MAP2K1: variants seen among roughly 807,000 people sequenced by gnomAD.
MAP2K1 encodes dual specificity mitogen-activated protein kinase kinase 1.
In MAP2K1, 16 loss-of-function variants were observed where a neutral mutation model predicts 46.3. That is an observed-to-expected ratio of 0.35 (90% CI 0.23 to 0.52). MAP2K1 has a LOEUF of 0.52. Among genes scored for constraint, MAP2K1 ranks in the 20% least tolerant of loss-of-function variants. The pLI is 0.94. For missense variants in MAP2K1, 263 were observed against 497.1 expected (o/e 0.53, Z 4.48); for synonymous variants, 183 against 185.6 (o/e 0.99, Z 0.11).
chr15:66,478,148 G>A (rs1892802323), intron 5 of MAP2K1, among the ~76,000 whole-genome samples: 1 of 151,378 alleles, frequency 6.6e-6, no homozygotes, highest in South Asian at 2.1e-4. Context: ...TGTTCACATC[G>A]TTGCTCAAAT....
intron 5 of MAP2K1, among the ~76,000 whole-genome samples, chr15:66,455,875 C>A (rs7182169): frequency 0.081 from 12,258 of 152,206 alleles, 469 homozygotes; most frequent in Non-Finnish European, 0.086. Flanking sequence ...ACATTGTATT[C>A]TATTTCCCCT....
intron 5 of MAP2K1, among the ~76,000 whole-genome samples, chr15:66,446,990 A>G (rs1475364115): frequency 6.6e-6 from 1 of 152,212 alleles, no homozygotes; most frequent in East Asian, 1.9e-4. Flanking sequence ...AGAGGACAGG[A>G]AATTGGTAAA....
At chr15:66,470,091 CTTGTT>C (rs1595879452) in intron 5 of MAP2K1, among the ~76,000 whole-genome samples, 13 of 55,726 alleles carry the variant, frequency 2.3e-4, no homozygotes, top group East Asian at 6.0e-4. Context: ...ACTTTTTTTT[CTTGTT>C]TTTTTTTTTT....
chr15:66,456,357 A>G (rs2140624914), intron 5 of MAP2K1, among the ~76,000 whole-genome samples: 1 of 152,354 alleles, frequency 6.6e-6, no homozygotes, highest in Admixed American at 6.5e-5. Context: ...ATAGATTATT[A>G]GTCAGAATTC....
At chr15:66,387,649 C>T in intron 1 of MAP2K1, among the ~76,000 whole-genome samples, 1 of 152,222 alleles carries the variant, frequency 6.6e-6, no homozygotes, top group South Asian at 2.1e-4. Flanking sequence ...CTCTGTACCC[C>T]TTTTCCCGAC....
chr15:66,413,167 A>T (rs2093415731), intron 1 of MAP2K1, among the ~76,000 whole-genome samples: 1 of 152,160 alleles, frequency 6.6e-6, no homozygotes, highest in Non-Finnish European at 1.5e-5. Flanking sequence ...AAGTGCTGGG[A>T]TTACAGGCAT....
chr15:66,483,058 G>A (rs190716537), intron 6 of MAP2K1, among the ~76,000 whole-genome samples: 1 of 152,218 alleles, frequency 6.6e-6, no homozygotes, highest in African/African-American at 2.4e-5. Context: ...AGGAAGTCTA[G>A]ATTCAGGGAG....
intron 5 of MAP2K1, among the ~76,000 whole-genome samples, chr15:66,471,027 T>C (rs1238953589): frequency 1.3e-5 from 2 of 152,170 alleles, no homozygotes; most frequent in Admixed American, 6.5e-5. Context: ...TTGGATTCTT[T>C]TGAGTTTCTG....
rs2140578594 is a variant in MAP2K1, at chr15:66,435,063, G to A, written c.117G>A (p.Glu39=). ...NLEALQKKLE[E]LELDEQQRKR... Reference sequence around the variant, plus strand: ...AGGCCTTGCAGAAGAAGCTGGAGGAGCTAGAGCTTGATGAGCAGCAGCGAA... The same window carrying A: ...AGGCCTTGCAGAAGAAGCTGGAGGAACTAGAGCTTGATGAGCAGCAGCGAA... Residue 39 remains glutamate (E), a synonymous_variant, in exon 2 of 11, where the codon GAG becomes GAA. Transcript: ENST00000307102. The A allele has an allele frequency of 1.9e-6, 3 of 1,614,154 alleles. No individual in the cohort carries two copies. The highest frequency in any genetic ancestry group is 2.5e-6 in the Non-Finnish European group (3 of 1,180,012).
chr15:66,404,455 C>G (rs140544344), intron 1 of MAP2K1, among the ~76,000 whole-genome samples: 2 of 152,330 alleles, frequency 1.3e-5, no homozygotes, highest in African/African-American at 4.8e-5. Flanking sequence ...TGGAATACTC[C>G]TATAAAACGG....
At chr15:66,432,766 G>A (rs893872519) in intron 1 of MAP2K1, among the ~76,000 whole-genome samples, 14 of 152,214 alleles carry the variant, frequency 9.2e-5, no homozygotes, top group African/African-American at 3.4e-4. Context: ...AAACGTGGCT[G>A]TGCCACTTAC....
chr15:66,419,760 G>A (rs1157275850), intron 1 of MAP2K1, among the ~76,000 whole-genome samples: 2 of 152,034 alleles, frequency 1.3e-5, no homozygotes, highest in African/African-American at 4.8e-5. Context: ...GTTGTGGGAA[G>A]GTAATTTATG....
rs542480841 is a variant in MAP2K1 at position 66,407,668 on chromosome 15, C to A, written c.80+20241C>A. On this transcript the variant is annotated intron_variant, in intron 1 of 10. Coordinates refer to ENST00000307102, the MANE Select transcript of MAP2K1 (RefSeq NM_002755.4). ...TGGTTGTCTTCTGTTGTAATCTTACCTTGAATCCAGGGCTACAAAGAAGGG... is the reference window on the plus strand; with the variant it reads ...TGGTTGTCTTCTGTTGTAATCTTACATTGAATCCAGGGCTACAAAGAAGGG... Among the ~76,000 whole-genome samples the A allele has an allele frequency of 4.6e-5, 7 of 152,186 alleles. No homozygotes were observed. In the South Asian group the frequency reaches 1.0e-3, roughly 23 times the overall value.
intron 1 of MAP2K1, among the ~76,000 whole-genome samples, chr15:66,404,954 C>G (rs1181962215): frequency 1.3e-5 from 2 of 152,106 alleles, no homozygotes; most frequent in Non-Finnish European, 2.9e-5. Flanking sequence ...AGAATTGATC[C>G]TACTGCAAGA....
chr15:66,490,627 G>A lies in MAP2K1; in HGVS notation c.*12G>A, dbSNP rs1388311751. 3 of 1,605,096 alleles carry A rather than the reference G, an allele frequency of 1.9e-6. No individual in the cohort carries two copies. The highest frequency in any genetic ancestry group is 2.6e-6 in the Non-Finnish European group (3 of 1,171,880). ...CTGCTGGCGTCTAAGTGTTTGGGAA[G>A]CAACAAAGAGCGAGTCCCCTGCCCG... On this transcript the variant is annotated 3_prime_UTR_variant, in exon 11 of 11. Transcript: ENST00000307102.
chr15:66,420,841 G>GTATATGTGTATATATATA (rs2093438665), intron 1 of MAP2K1, among the ~76,000 whole-genome samples: 1 of 62,100 alleles, frequency 1.6e-5, no homozygotes, highest in African/African-American at 5.6e-5. Flanking sequence ...GTATATATAT[G>GTATATGTGTATATATATA]TGTGTATATA....
intron 1 of MAP2K1, among the ~76,000 whole-genome samples, chr15:66,398,453 G>T (rs1003123121): frequency 6.6e-6 from 1 of 151,846 alleles, no homozygotes; most frequent in East Asian, 2.0e-4. Context: ...GGAGAGTGGT[G>T]CTGTTCTAGG....
intron 5 of MAP2K1, among the ~76,000 whole-genome samples, chr15:66,452,441 T>G (rs117515971): frequency 1.3e-5 from 2 of 152,198 alleles, no homozygotes; most frequent in Non-Finnish European, 2.9e-5. Context: ...TCTACCAGTT[T>G]AGTCCTTAAT....
At chr15:66,432,885 G>A (rs1181909914) in intron 1 of MAP2K1, among the ~76,000 whole-genome samples, 1 of 151,636 alleles carries the variant, frequency 6.6e-6, no homozygotes, top group African/African-American at 2.4e-5. Flanking sequence ...AAAGCACTGA[G>A]GAGAGTTACA....
Sources: allele counts gnomAD v4.1 joint callset (sites outside exome capture counted in the v4.1 genomes callset), GRCh38; gene constraint gnomAD v4.1.1; transcripts MANE v1.5; gene names NCBI Gene and HGNC (gene_info 2026-07-23, HGNC 2026-07-21).